The following CHIC1 variants were observed in gnomAD, a reference collection of about 807,000 sequenced individuals.
CHIC1 encodes cysteine rich hydrophobic domain 1, also known as cysteine-rich hydrophobic domain-containing protein 1.
CHIC1 carries 7 observed loss-of-function variants against 18.5 expected under a neutral mutation model. The ratio of observed to expected loss-of-function variants is 0.38; its 90% CI spans 0.22 to 0.71. The LOEUF is 0.71. Ranked by LOEUF, CHIC1 falls within the 30% of genes least tolerant of loss-of-function variation. The pLI is 0.49. For missense variants in CHIC1, 159 were observed against 176.9 expected (o/e 0.90, Z 0.57); for synonymous variants, 77 against 73.5 (o/e 1.05, Z -0.25).
chrX:73,595,398 C>T (rs183075074), intron 3 of CHIC1, among the ~76,000 whole-genome samples: 3 of 110,891 alleles, frequency 2.7e-5, no homozygotes, highest in South Asian at 3.8e-4. Context: ...TGTTCAACTC[C>T]CACTTATAAG....
intron 3 of CHIC1, among the ~76,000 whole-genome samples, chrX:73,640,163 G>C (rs1385235538): frequency 9.0e-6 from 1 of 111,416 alleles, no homozygotes; most frequent in African/African-American, 3.3e-5. Flanking sequence ...TGTTGGCTGT[G>C]GGTTTGTTCT....
chrX:73,672,310 T>C (rs989171064), intron 3 of CHIC1, among the ~76,000 whole-genome samples: 1 of 111,571 alleles, frequency 9.0e-6, no homozygotes, highest in African/African-American at 3.3e-5. Context: ...GGTCAAATGG[T>C]ATTTCTAGTT....
intron 3 of CHIC1, among the ~76,000 whole-genome samples, chrX:73,676,533 A>G (rs1356115469): frequency 9.0e-6 from 1 of 111,633 alleles, no homozygotes; most frequent in Admixed American, 9.5e-5. Context: ...TCGGCTAGTG[A>G]GGCTTCTGCA....
chrX:73,670,892 G>T (rs2058026803), intron 3 of CHIC1, among the ~76,000 whole-genome samples: 1 of 111,375 alleles, frequency 9.0e-6, no homozygotes, highest in African/African-American at 3.3e-5. Flanking sequence ...ATATGATTTT[G>T]ATTTTCTTAC....
Position 73,577,686 on chromosome X carries a change from C to T in CHIC1, c.351+225C>T, listed in dbSNP as rs762811932. 1.4e-4 allele frequency among the ~76,000 whole-genome samples: 15 copies of T among 110,192 alleles called. No homozygotes were observed. In the South Asian group the frequency reaches 1.9e-3, roughly 14 times the overall value. On this transcript the variant is annotated intron_variant, in intron 2 of 5. Coordinates refer to ENST00000373502, the MANE Select transcript of CHIC1 (RefSeq NM_001039840.4). ...TAATGCCAGCCATTATTTATTTGTC[C>T]GTTCAGCTTTTTCACTTTTGCATTT...
intron 3 of CHIC1, among the ~76,000 whole-genome samples, chrX:73,643,401 C>T (rs1347144353): frequency 3.4e-4 from 37 of 110,329 alleles, no homozygotes; most frequent in African/African-American, 1.2e-3. Context: ...TTTCCTGAAT[C>T]TGAATGTTAG....
chrX:73,625,957 G>A (rs193121697), intron 3 of CHIC1, among the ~76,000 whole-genome samples: 2 of 110,418 alleles, frequency 1.8e-5, no homozygotes, highest in Admixed American at 9.6e-5. Flanking sequence ...TCAGTCAATT[G>A]TTGCTGCAGT....
chrX:73,682,895 C>T lies in CHIC1; in HGVS notation c.*1890C>T, dbSNP rs187694404. On this transcript the variant is annotated 3_prime_UTR_variant, in exon 6 of 6. Coordinates refer to ENST00000373502, the MANE Select transcript of CHIC1 (RefSeq NM_001039840.4). ...AGGTTTATGTTCCAGCTAATGTTAT[C>T]AAATTTATGCTTCAAACTGTGATAT... 1.8e-5 allele frequency: 2 copies of T among 111,661 alleles called. No homozygotes were observed. The highest frequency in any genetic ancestry group is 6.5e-5 in the African/African-American group (2 of 30,801). The allele number at this position is 111,661 out of a possible 1,213,427, so 9.2% of individuals were successfully genotyped here.
At chrX:73,665,526 C>G (rs1056509044) in intron 3 of CHIC1, among the ~76,000 whole-genome samples, 1 of 111,411 alleles carries the variant, frequency 9.0e-6, no homozygotes, top group Non-Finnish European at 1.9e-5. Flanking sequence ...TGTTTCAATA[C>G]TTTTATATAC....
In CHIC1 at chrX:73,563,425, TGAGGAGGAA is replaced by T. The variant is rs751226621; in HGVS notation, c.159_167del (p.Glu66_Glu68del). The T allele has an allele frequency of 3.0e-4, 345 of 1,142,907 alleles. No individual in the cohort carries two copies. Among genetic ancestry groups the T allele is most frequent in the East Asian group, 6.3e-4 (19 of 29,971 alleles). The allele number at this position is 1,142,907 out of a possible 1,213,427, so 94.2% of individuals were successfully genotyped here. A position where few individuals can be genotyped will look rare whatever the true frequency, so the allele number is the denominator to read the frequency against. On this transcript the variant is annotated inframe_deletion, in exon 1 of 6. Transcript: ENST00000373502. ...CTGGGCCCGACGATGACGAGGAGGA[TGAGGAGGAA>T]GAGGAGGAAGAGGAGGAGGAGGAAG...
At position 73,600,314 on chromosome X, in the gene CHIC1, A is replaced by G. The variant is rs1477977130; in HGVS notation, c.507+15742A>G. Among the ~76,000 whole-genome samples the G allele has an allele frequency of 1.5e-4, 14 of 96,454 alleles. 1 individual carries two copies. Among genetic ancestry groups the G allele is most frequent in the African/African-American group, 5.5e-4 (13 of 23,622 alleles). 83.8% of individuals were successfully genotyped at this position (96,454 alleles called of 115,157 possible). A position where few individuals can be genotyped will look rare whatever the true frequency, so the allele number is the denominator to read the frequency against. ...TTTGACTTCCTCTTTTCCTAATTGA[A>G]TACCCTTTATTTCCTTCTCCTGCCT... On this transcript the variant is annotated intron_variant, in intron 3 of 5. Coordinates refer to ENST00000373502, the MANE Select transcript of CHIC1 (RefSeq NM_001039840.4).
chrX:73,578,888 C>T (rs1239525489), intron 2 of CHIC1: 1 of 109,972 alleles, frequency 9.1e-6, no homozygotes. Context: ...TTCACTGTCC[C>T]TTGTTCTAAA....
At chrX:73,600,007 G>C (rs1317261547) in intron 3 of CHIC1, among the ~76,000 whole-genome samples, 9 of 98,985 alleles carry the variant, frequency 9.1e-5, no homozygotes, top group African/African-American at 2.6e-4. Context: ...CTTTTATTTC[G>C]TTGAGCAGTG....
At chrX:73,635,232 A>T (rs2057826575) in intron 3 of CHIC1, among the ~76,000 whole-genome samples, 1 of 111,849 alleles carries the variant, frequency 8.9e-6, no homozygotes, top group South Asian at 3.8e-4. Context: ...AATACATCAT[A>T]CTCGATCATG....
chrX:73,581,002 A>G (rs1018844373), intron 2 of CHIC1, among the ~76,000 whole-genome samples: 2 of 111,511 alleles, frequency 1.8e-5, no homozygotes, highest in African/African-American at 6.5e-5. Context: ...ACAGATGTAT[A>G]TACACAGATT....
chrX:73,656,948 C>T (rs2057952269), intron 3 of CHIC1, among the ~76,000 whole-genome samples: 1 of 111,431 alleles, frequency 9.0e-6, no homozygotes, highest in African/African-American at 3.3e-5. Context: ...GAATTTTTTC[C>T]ACTTGTTTGT....
intron 3 of CHIC1, among the ~76,000 whole-genome samples, chrX:73,601,116 C>T (rs1261230794): frequency 9.4e-6 from 1 of 106,273 alleles, no homozygotes; most frequent in Admixed American, 9.9e-5. Context: ...TAATGGGAGA[C>T]TTTAACACCC....
intron 3 of CHIC1, among the ~76,000 whole-genome samples, chrX:73,644,650 G>C (rs1375915624): frequency 8.9e-6 from 1 of 112,404 alleles, no homozygotes; most frequent in Admixed American, 9.4e-5. Context: ...GGCTAGCAAT[G>C]AGCCAGACTC....
chrX:73,676,773 G>A (rs1490960866), intron 3 of CHIC1, among the ~76,000 whole-genome samples: 1 of 112,034 alleles, frequency 8.9e-6, no homozygotes, highest in Non-Finnish European at 1.9e-5. Flanking sequence ...CATTGCTGGT[G>A]AGGAGCTGCG....
Sources: gnomAD v4.1 joint callset for allele counts (sites outside exome capture counted in the v4.1 genomes callset) on GRCh38, gnomAD v4.1.1 for gene constraint, MANE v1.5 for transcripts, NCBI Gene and HGNC (gene_info 2026-07-23, HGNC 2026-07-21) for gene names.